NPY: variants seen among roughly 807,000 people sequenced by gnomAD.
NPY encodes the protein neuropeptide Y.
A neutral mutation model predicts 13.2 loss-of-function variants in NPY; 11 were observed. The ratio of observed to expected loss-of-function variants is 0.83; its 90% CI spans 0.52 to 1.38. The LOEUF is 1.38. NPY is among the 40% of genes most tolerant of loss of function. The probability of loss-of-function intolerance (pLI) is 0.00; values close to 1 mark genes in which losing one functional copy is unlikely to be tolerated. For missense variants in NPY, 109 were observed against 125.1 expected (o/e 0.87, Z 0.61); for synonymous variants, 51 against 55.6 (o/e 0.92, Z 0.37).
intron 2 of NPY, among the ~76,000 whole-genome samples, chr7:24,286,794 CTA>C (rs1032335096): frequency 6.6e-6 from 1 of 152,140 alleles, no homozygotes; most frequent in Non-Finnish European, 1.5e-5. Context: ...CAAATTCTTG[CTA>C]TGTTATGCCG....
Position 24,289,510 on chromosome 7 carries a change from G to T in NPY, c.200G>T (p.Arg67Leu). 6.3e-7 allele frequency: 1 copy of T among 1,588,310 alleles called. No homozygotes were observed. The highest frequency in any genetic ancestry group is 8.6e-7 in the Non-Finnish European group (1 of 1,168,544). The change falls in exon 3 of 4, where the codon CGA (arginine) becomes CTA (leucine). Residue 67 changes from arginine to leucine, a missense_variant. Arg to Leu is a moderately radical substitution (Grantham distance 102). Transcript: ENST00000242152. ...NLITRQRYGK[R>L]SSPETLISDL... Reference sequence around the variant, plus strand: ...TTTTTTTTTTCCAGATATGGAAAACGATCCAGCCCAGAGACACTGATTTCA... The same window carrying T: ...TTTTTTTTTTCCAGATATGGAAAACTATCCAGCCCAGAGACACTGATTTCA...
chr7:24,291,572 C>A, intron 3 of NPY, 91 bp from the exon 4 acceptor site: 1 of 1,459,802 alleles, frequency 6.9e-7, no homozygotes, highest in East Asian at 2.3e-5. Flanking sequence ...TCCCGGTCAT[C>A]TTTCACTTCA....
rs780177480 is a variant in NPY at position 24,289,502 on chromosome 7, T to C, written c.192T>C (p.Tyr64=). The change falls in exon 3 of 4, where the codon TAT becomes TAC. Residue 64 remains tyrosine (Y), a synonymous_variant. Coordinates refer to ENST00000242152, the MANE Select transcript of NPY (RefSeq NM_000905.4). ...HYINLITRQR[Y]GKRSSPETLI... ...TAAAAGACTTTTTTTTTTCCAGATATGGAAAACGATCCAGCCCAGAGACAC... is the reference window on the plus strand; with the variant it reads ...TAAAAGACTTTTTTTTTTCCAGATACGGAAAACGATCCAGCCCAGAGACAC... 6 of 1,590,964 alleles carry C rather than the reference T, an allele frequency of 3.8e-6. No homozygotes were observed. The highest frequency in any genetic ancestry group is 1.8e-5 in the Admixed American group (1 of 55,832).
At chr7:24,291,231 T>A (rs4719762) in intron 3 of NPY, among the ~76,000 whole-genome samples, 149,807 of 152,292 alleles carry the variant, frequency 0.98, 73,689 homozygotes, top group East Asian at 1. Context: ...TATTTTATTA[T>A]AAAGGTCTTA....
intron 3 of NPY, 98 bp downstream of exon 3, chr7:24,289,677 T>A: frequency 1.2e-6 from 1 of 809,408 alleles, no homozygotes; most frequent in Non-Finnish European, 2.0e-6. Context: ...ACCACCAGGC[T>A]TCTAGACTAG....
At position 24,285,557 on chromosome 7, in the gene NPY, TAGTC is replaced by T. The variant is rs1461374151; in HGVS notation, c.188+132_188+135del. The stretch of plus-strand genomic sequence containing the variant: ...CCAGGGCAGGACAGTATCAGGCACT[TAGTC>T]AGCTCTAGGTAAATGTTTGTACAGG... On this transcript the variant is annotated intron_variant, in intron 2 of 3. Transcript: ENST00000242152. This position sits in a 1 kb window ranked among gnomAD's most constrained non-coding sequence, Gnocchi z 4.9. 23 of 898,556 alleles carry T rather than the reference TAGTC, an allele frequency of 2.6e-5. No homozygotes were observed. The highest frequency in any genetic ancestry group is 3.2e-5 in the Non-Finnish European group (19 of 598,470). The allele number at this position is 898,556 out of a possible 1,614,324, so 55.7% of individuals were successfully genotyped here. A position where few individuals can be genotyped will look rare whatever the true frequency, so the allele number is the denominator to read the frequency against.
chr7:24,288,687 G>GAAA (rs59946765), intron 2 of NPY, among the ~76,000 whole-genome samples: 499 of 87,568 alleles, frequency 5.7e-3, no homozygotes, highest in East Asian at 7.3e-3. Flanking sequence ...TGCTACAGGA[G>GAAA]AAAAAAAAAA....
chr7:24,291,712 C>A lies in NPY; in HGVS notation c.*25C>A, dbSNP rs774924275. The A allele has an allele frequency of 6.2e-7, 1 of 1,613,904 alleles. No individual in the cohort carries two copies. Reference sequence around the variant, plus strand: ...ATGGGAAATGAGACTTGCTCTCTGGCCTTTTCCTATTTTCAGCCCATATTT... The same window carrying A: ...ATGGGAAATGAGACTTGCTCTCTGGACTTTTCCTATTTTCAGCCCATATTT... On this transcript the variant is annotated 3_prime_UTR_variant, in exon 4 of 4. Transcript: ENST00000242152.
chr7:24,287,112 T>A (rs1447912918), intron 2 of NPY, among the ~76,000 whole-genome samples: 3 of 152,222 alleles, frequency 2.0e-5, no homozygotes, highest in African/African-American at 7.2e-5. Flanking sequence ...GGAGCCCTCC[T>A]TTGAGTGTCT....
chr7:24,285,272 G>T lies in NPY; in HGVS notation c.32G>T (p.Gly11Val). 2 of 1,614,066 alleles carry T rather than the reference G, an allele frequency of 1.2e-6. No homozygotes were observed. Residue 11 changes from glycine (G) to valine (V), a missense_variant, in exon 2 of 4, where the codon GGA becomes GTA. Coordinates refer to ENST00000242152, the MANE Select transcript of NPY (RefSeq NM_000905.4). This position sits in a 1 kb window ranked among gnomAD's most constrained non-coding sequence, Gnocchi z 4.9. MLGNKRLGLSGLTLALSLLVC... is the reference protein window; with the variant it reads MLGNKRLGLSVLTLALSLLVC... ...GGTAACAAGCGACTGGGGCTGTCCG[G>T]ACTGACCCTCGCCCTGTCCCTGCTC...
rs372748747 is a variant in NPY at position 24,287,825 on chromosome 7, T to C, written c.189-1674T>C. ...AGTGTTTCTCCTTCCTGGCTGCACA[T>C]TAAAATTATCAGGGGAGCTTTTAAA... is the stretch of plus-strand genomic sequence containing the variant. On this transcript the variant is annotated intron_variant, in intron 2 of 3. Coordinates refer to ENST00000242152, the MANE Select transcript of NPY (RefSeq NM_000905.4). Among the ~76,000 whole-genome samples, 39 of 152,118 alleles carry C rather than the reference T, an allele frequency of 2.6e-4. 5 individuals are homozygous for C. Among genetic ancestry groups the C allele is most frequent in the Admixed American group, 2.3e-3 (35 of 15,264 alleles).
At chr7:24,286,401 A>T (rs1787380121) in intron 2 of NPY, among the ~76,000 whole-genome samples, 1 of 152,134 alleles carries the variant, frequency 6.6e-6, no homozygotes. Flanking sequence ...TAGTCATTTG[A>T]CCGTATCTAA....
intron 2 of NPY, 93 bp from the exon 3 acceptor site, chr7:24,289,406 G>A: frequency 1.3e-6 from 1 of 794,474 alleles, no homozygotes; most frequent in South Asian, 1.9e-5. Flanking sequence ...ATAATGTTTA[G>A]TTTTCATATC....
intron 2 of NPY, among the ~76,000 whole-genome samples, chr7:24,288,576 T>C (rs1295228368): frequency 6.6e-6 from 1 of 151,244 alleles, no homozygotes; most frequent in Non-Finnish European, 1.5e-5. Flanking sequence ...CAATTTGGTA[T>C]AGACTTGTCT....
In NPY at chr7:24,289,588, A is replaced by T. The variant is rs756675252; in HGVS notation, c.269+9A>T. 6.2e-7 allele frequency: 1 copy of T among 1,607,102 alleles called. No homozygotes were observed. Among genetic ancestry groups the T allele is most frequent in the Non-Finnish European group, 8.5e-7 (1 of 1,175,946 alleles). ...AATGTTCCCAGAACTCGGTATGACAAGGCTTGTGATGGGGACATTGTTGCA... is the reference window on the plus strand; with the variant it reads ...AATGTTCCCAGAACTCGGTATGACATGGCTTGTGATGGGGACATTGTTGCA... On this transcript the variant is annotated intron_variant, in intron 3 of 3. Coordinates refer to ENST00000242152, the MANE Select transcript of NPY (RefSeq NM_000905.4).
chr7:24,285,300 G>A lies in NPY; in HGVS notation c.60G>A (p.Val20=). The A allele has an allele frequency of 6.2e-7, 1 of 1,614,094 alleles. No homozygotes were observed. The highest frequency in any genetic ancestry group is 1.1e-5 in the South Asian group (1 of 91,078). ...SGLTLALSLL[V]CLGALAEAYP... ...TGACCCTCGCCCTGTCCCTGCTCGTGTGCCTGGGTGCGCTGGCCGAGGCGT... is the reference window on the plus strand; with the variant it reads ...TGACCCTCGCCCTGTCCCTGCTCGTATGCCTGGGTGCGCTGGCCGAGGCGT... The change falls in exon 2 of 4, where the codon GTG becomes GTA. Residue 20 remains valine (V), a synonymous_variant. Transcript: ENST00000242152. This position sits in a 1 kb window ranked among gnomAD's most constrained non-coding sequence, Gnocchi z 4.9.
intron 2 of NPY, among the ~76,000 whole-genome samples, chr7:24,289,241 G>A (rs1245398077): frequency 3.3e-5 from 5 of 152,030 alleles, no homozygotes; most frequent in African/African-American, 1.2e-4. Flanking sequence ...ATTTGACTAG[G>A]AATTTTGGTT....
In NPY at chr7:24,289,498, G is replaced by T; in HGVS notation, c.189-1G>T. 1.9e-6 allele frequency: 3 copies of T among 1,579,512 alleles called. No individual in the cohort carries two copies. Among genetic ancestry groups the T allele is most frequent in the Non-Finnish European group, 2.6e-6 (3 of 1,165,428 alleles). On this transcript the variant is annotated splice_acceptor_variant, in intron 2 of 3. Coordinates refer to ENST00000242152, the MANE Select transcript of NPY (RefSeq NM_000905.4). LOFTEE classifies it high-confidence loss of function. ...GCTTTAAAAGACTTTTTTTTTTCCA[G>T]ATATGGAAAACGATCCAGCCCAGAG...
intron 3 of NPY, 80 bp from the exon 4 acceptor site, chr7:24,291,583 G>C: frequency 6.6e-7 from 1 of 1,520,008 alleles, no homozygotes; most frequent in Non-Finnish European, 9.1e-7. Flanking sequence ...TTTCACTTCA[G>C]ATCTAAATGT....
Sources: allele counts gnomAD v4.1 joint callset (sites outside exome capture counted in the v4.1 genomes callset), GRCh38; gene constraint gnomAD v4.1.1; non-coding constraint Gnocchi (gnomAD v3.1); transcripts MANE v1.5; gene names NCBI Gene and HGNC (gene_info 2026-07-23, HGNC 2026-07-21).